Variants in MAP2 observed in about 807,000 individuals in gnomAD.
The protein encoded by MAP2 is microtubule associated protein 2, also known as microtubule-associated protein 2.
MAP2 carries 14 observed loss-of-function variants against 137.6 expected under a neutral mutation model. The observed-to-expected ratio is 0.10, with a 90% confidence interval of 0.07 to 0.16. The LOEUF (loss-of-function observed/expected upper bound fraction) is 0.16, where lower values mean the gene tolerates loss of function less well. MAP2 is among the 10% of genes least tolerant of loss of function. The pLI, the probability that MAP2 is intolerant of heterozygous loss-of-function variation, is 1.00. For synonymous variants in MAP2, 786 were observed against 782.3 expected, an observed-to-expected ratio of 1.00 and a Z score of -0.08; for missense variants, 2,088 against 2,191.5, an observed-to-expected ratio of 0.95 and a Z score of 0.94.
At chr2:209,462,577 T>C (rs1053172830) in intron 1 of MAP2, among the ~76,000 whole-genome samples, 1 of 152,194 alleles carries the variant, frequency 6.6e-6, no homozygotes, top group African/African-American at 2.4e-5. Context: ...TCTCTAGTCA[T>C]GAAACTGAAA....
At chr2:209,629,919 A>T (rs796624878) in intron 4 of MAP2, among the ~76,000 whole-genome samples, 2 of 152,292 alleles carry the variant, frequency 1.3e-5, no homozygotes, top group African/African-American at 4.8e-5. Context: ...TTTGGGCTGG[A>T]ATTCTGTAGG....
intron 1 of MAP2, among the ~76,000 whole-genome samples, chr2:209,468,317 CT>C (rs11450792): frequency 2.2e-3 from 199 of 88,510 alleles, no homozygotes; most frequent in African/African-American, 8.4e-3. Context: ...TTTAGTGTTT[CT>C]TTTTTTTTTT....
rs572354951 is a variant in MAP2, at chr2:209,723,650, C to G, written c.5074-2059C>G. On this transcript the variant is annotated intron_variant, in intron 13 of 15. Transcript: ENST00000682079. ...AGCAAAGTTCAGTCCAGATGTGGTT[C>G]CAAGGATAACATCAAACATTCGGCT... 2.5e-5 allele frequency: 40 copies of G among 1,613,992 alleles called. 1 individual carries two copies. The South Asian group carries it at 4.3e-4, about 17-fold the overall frequency.
intron 1 of MAP2, among the ~76,000 whole-genome samples, chr2:209,481,342 G>A (rs1301967796): frequency 1.3e-5 from 2 of 152,190 alleles, no homozygotes; most frequent in African/African-American, 2.4e-5. Context: ...CACTGGATGT[G>A]GGCTACCCAG....
chr2:209,492,505 TG>T (rs2059240955), intron 1 of MAP2, among the ~76,000 whole-genome samples: 1 of 152,218 alleles, frequency 6.6e-6, no homozygotes, highest in Non-Finnish European at 1.5e-5. Flanking sequence ...AAATTATCTC[TG>T]TTTGCAGATG....
At chr2:209,691,806 T>C (rs2058990503) in intron 7 of MAP2, among the ~76,000 whole-genome samples, 2 of 152,210 alleles carry the variant, frequency 1.3e-5, no homozygotes, top group Non-Finnish European at 1.5e-5. Context: ...GTTGACTCTT[T>C]TGAAAAGTTT....
chr2:209,660,127 A>G (rs1401925463), intron 5 of MAP2, among the ~76,000 whole-genome samples: 1 of 152,084 alleles, frequency 6.6e-6, no homozygotes, highest in Admixed American at 6.5e-5. Flanking sequence ...TAAAGATTAA[A>G]AGGCAATTCC....
chr2:209,444,970 A>G (rs116267028), intron 1 of MAP2, among the ~76,000 whole-genome samples: 5,601 of 151,446 alleles, frequency 0.037, 366 homozygotes, highest in African/African-American at 0.13. Flanking sequence ...TCTTACAGAC[A>G]TGGTTTTTTT....
At chr2:209,716,459 A>G (rs1297082732) in intron 13 of MAP2, among the ~76,000 whole-genome samples, 1 of 152,238 alleles carries the variant, frequency 6.6e-6, no homozygotes, top group Non-Finnish European at 1.5e-5. Flanking sequence ...TTGGGGCCAC[A>G]TGTGGTGCAG....
intron 1 of MAP2, among the ~76,000 whole-genome samples, chr2:209,470,297 G>A (rs539771370): frequency 2.0e-5 from 3 of 152,010 alleles, no homozygotes; most frequent in Non-Finnish European, 4.4e-5. Context: ...TTTTAAAAGT[G>A]GTTTTACATA....
At chr2:209,626,090 A>G (rs1235283780) in intron 4 of MAP2, among the ~76,000 whole-genome samples, 1 of 152,120 alleles carries the variant, frequency 6.6e-6, no homozygotes, top group Non-Finnish European at 1.5e-5. Flanking sequence ...TTTTTAAGCA[A>G]GAAAATTTAT....
intron 7 of MAP2, 55 bp downstream of exon 7, chr2:209,680,882 A>G: frequency 2.1e-6 from 3 of 1,446,946 alleles, no homozygotes; most frequent in Non-Finnish European, 2.9e-6. Flanking sequence ...TGAACAATAA[A>G]CTTCAATCAA....
In MAP2 at chr2:209,732,350, C is replaced by T. The variant is rs1216288323; in HGVS notation, c.*1953C>T. 2.0e-5 allele frequency: 3 copies of T among 152,202 alleles called. No homozygotes were observed. The highest frequency in any genetic ancestry group is 2.9e-5 in the Non-Finnish European group (2 of 68,046). 9.4% of individuals were successfully genotyped at this position (152,202 alleles called of 1,614,324 possible). On this transcript the variant is annotated 3_prime_UTR_variant, in exon 16 of 16. Coordinates refer to ENST00000682079, the MANE Select transcript of MAP2 (RefSeq NM_001375505.1). ...AAACCCTAGGAGCAAACCCACACCA[C>T]TCATTCTCAGCTAAGAGATTTTACA...
intron 1 of MAP2, among the ~76,000 whole-genome samples, chr2:209,495,364 C>A (rs1446699573): frequency 6.6e-6 from 1 of 152,092 alleles, no homozygotes; most frequent in South Asian, 2.1e-4. Context: ...CTCAAATGAG[C>A]CCCTGACCCC....
At chr2:209,491,358 T>A (rs1436314296) in intron 1 of MAP2, among the ~76,000 whole-genome samples, 1 of 152,088 alleles carries the variant, frequency 6.6e-6, no homozygotes, top group African/African-American at 2.4e-5. Context: ...AGATCTAAAA[T>A]TGACATCCTA....
chr2:209,596,244 C>T (rs1010018516), intron 3 of MAP2, among the ~76,000 whole-genome samples: 8 of 152,202 alleles, frequency 5.3e-5, no homozygotes, highest in East Asian at 1.9e-4. Flanking sequence ...AAACCATTTG[C>T]GGATATGATA....
At chr2:209,580,352 T>G (rs1458634474) in intron 3 of MAP2, among the ~76,000 whole-genome samples, 1 of 152,184 alleles carries the variant, frequency 6.6e-6, no homozygotes, top group Non-Finnish European at 1.5e-5. Context: ...TTTGGCTTAT[T>G]TGGAGATTTT....
chr2:209,600,665 G>C (rs2082720595), intron 3 of MAP2, among the ~76,000 whole-genome samples: 1 of 152,154 alleles, frequency 6.6e-6, no homozygotes, highest in African/African-American at 2.4e-5. Flanking sequence ...GTTATCTTTT[G>C]TAAGAGTCCT....
chr2:209,700,332 A>G lies in MAP2; in HGVS notation c.4578A>G (p.Lys1526=). Residue 1526 remains lysine (K), a synonymous_variant, in exon 11 of 16, where the codon AAA becomes AAG. Transcript: ENST00000682079. ...GTGTATTTAAACAGGCAAAGGACAA[A>G]GTCTCTGTGAGTAAAATAAGTTTTT... The part of the protein sequence containing the change: ...APSVFKQAKD[K]VSDGVTKSPE... 1 of 1,611,514 alleles carries G rather than the reference A, an allele frequency of 6.2e-7. No individual in the cohort carries two copies. Among genetic ancestry groups the G allele is most frequent in the Non-Finnish European group, 8.5e-7 (1 of 1,178,372 alleles).
Sources: allele counts gnomAD v4.1 joint callset (sites outside exome capture counted in the v4.1 genomes callset), GRCh38; gene constraint gnomAD v4.1.1; transcripts MANE v1.5; gene names NCBI Gene and HGNC (gene_info 2026-07-23, HGNC 2026-07-21).